The following DCAF6 variants were observed in gnomAD, a reference collection of about 807,000 sequenced individuals.
DCAF6 encodes DDB1 and CUL4 associated factor 6, also known as DDB1- and CUL4-associated factor 6.
Under a neutral mutation model 125.1 loss-of-function variants are expected in DCAF6, and 54 were observed. The observed-to-expected ratio is 0.43, with a 90% confidence interval of 0.35 to 0.54. The LOEUF (loss-of-function observed/expected upper bound fraction) is 0.54. Ranked by LOEUF, DCAF6 falls within the 20% of genes least tolerant of loss-of-function variation. The probability of loss-of-function intolerance (pLI) is 0.01; values close to 1 mark genes in which losing one functional copy is unlikely to be tolerated. For missense variants in DCAF6, 934 were observed against 1,161.7 expected (o/e 0.80, Z 2.85); for synonymous variants, 371 against 390.4 (o/e 0.95, Z 0.58).
At chr1:167,975,819 C>A (rs1397812584) in intron 4 of DCAF6, among the ~76,000 whole-genome samples, 4 of 152,144 alleles carry the variant, frequency 2.6e-5, no homozygotes, top group African/African-American at 9.7e-5. Context: ...TCTCACAGTG[C>A]CAAGGTTATA....
chr1:167,919,190 C>T, the DCAF6 span, among the ~76,000 whole-genome samples: 1 of 152,200 alleles, frequency 6.6e-6, no homozygotes, highest in Non-Finnish European at 1.5e-5. Context: ...ATTGGGTTAA[C>T]AGCCTGTAAA....
intron 2 of DCAF6, among the ~76,000 whole-genome samples, chr1:167,959,315 T>G (rs972486842): frequency 3.9e-5 from 6 of 152,330 alleles, no homozygotes; most frequent in African/African-American, 1.4e-4. Flanking sequence ...AAATTGGCAG[T>G]TATGAGTAAA....
intron 20 of DCAF6, among the ~76,000 whole-genome samples, chr1:168,067,091 A>G (rs1402910422): frequency 2.0e-5 from 3 of 152,202 alleles, no homozygotes; most frequent in Non-Finnish European, 4.4e-5. Context: ...AACTTCAACC[A>G]GGGTTTTTAT....
chr1:167,950,295 TGA>T (rs1405976364), intron 1 of DCAF6, among the ~76,000 whole-genome samples: 1 of 152,212 alleles, frequency 6.6e-6, no homozygotes, highest in East Asian at 1.9e-4. Context: ...CAAAATGAAA[TGA>T]GTTTTTAAAA....
chr1:167,879,775 A>G, the DCAF6 span, among the ~76,000 whole-genome samples: 11 of 152,228 alleles, frequency 7.2e-5, no homozygotes, highest in African/African-American at 2.7e-4. Flanking sequence ...AGTAATATCA[A>G]CATTCATAAT....
intron 10 of DCAF6, among the ~76,000 whole-genome samples, chr1:168,015,280 T>C (rs1335707672): frequency 1.3e-5 from 2 of 152,208 alleles, no homozygotes; most frequent in African/African-American, 4.8e-5. Flanking sequence ...AATATTTAGC[T>C]GAAGAATATA....
At chr1:167,913,769 T>A in the DCAF6 span, among the ~76,000 whole-genome samples, 1 of 152,078 alleles carries the variant, frequency 6.6e-6, no homozygotes, top group Non-Finnish European at 1.5e-5. Context: ...AGACAGAGCA[T>A]CCAGGTTGAG....
chr1:167,952,628 ACTC>A (rs1346765526), intron 2 of DCAF6, among the ~76,000 whole-genome samples: 4 of 151,188 alleles, frequency 2.6e-5, no homozygotes. Flanking sequence ...GTCTCAGCTG[ACTC>A]CTCCGCATAT....
chr1:168,041,601 G>T (rs1688537896), intron 13 of DCAF6, among the ~76,000 whole-genome samples: 2 of 151,782 alleles, frequency 1.3e-5, no homozygotes, highest in African/African-American at 4.8e-5. Context: ...CTGTTTTCTT[G>T]TCTCATTACC....
chr1:167,891,587 C>T, the DCAF6 span, among the ~76,000 whole-genome samples: 2 of 149,018 alleles, frequency 1.3e-5, no homozygotes, highest in East Asian at 4.0e-4. Flanking sequence ...ACCCGGGAGG[C>T]GGAGCTTGCA....
Position 168,068,352 on chromosome 1 carries a change from T to G in DCAF6, c.2686-6T>G, listed in dbSNP as rs1191714312. 6.3e-7 allele frequency: 1 copy of G among 1,597,420 alleles called. No individual in the cohort carries two copies. Among genetic ancestry groups the G allele is most frequent in the Non-Finnish European group, 8.6e-7 (1 of 1,167,184 alleles). The stretch of plus-strand genomic sequence containing the variant: ...TCTTTGATACGATTTTTAACTTGCC[T>G]TGTAGGTTATAACTCGAAACGAACT... On this transcript the variant is annotated splice_polypyrimidine_tract_variant and splice_region_variant and intron_variant, in intron 20 of 21. Coordinates refer to ENST00000367840, the MANE Select transcript of DCAF6 (RefSeq NM_001198956.2).
the DCAF6 span, among the ~76,000 whole-genome samples, chr1:167,870,061 C>A: frequency 6.6e-6 from 1 of 152,180 alleles, no homozygotes; most frequent in Non-Finnish European, 1.5e-5. Context: ...TCAGGATATC[C>A]ATGGGTCAGC....
At chr1:168,011,763 A>T (rs979686745) in intron 10 of DCAF6, among the ~76,000 whole-genome samples, 1 of 152,128 alleles carries the variant, frequency 6.6e-6, no homozygotes, top group Admixed American at 6.5e-5. Context: ...GGATTACCTG[A>T]GGTCAGGAGT....
chr1:167,925,178 A>T, the DCAF6 span, among the ~76,000 whole-genome samples: 1 of 151,982 alleles, frequency 6.6e-6, no homozygotes, highest in Non-Finnish European at 1.5e-5. Context: ...AAATTCATTA[A>T]TTCAATGTCA....
intron 4 of DCAF6, among the ~76,000 whole-genome samples, chr1:167,975,823 G>A (rs1678065431): frequency 6.6e-6 from 1 of 152,146 alleles, no homozygotes; most frequent in South Asian, 2.1e-4. Flanking sequence ...ACAGTGCCAA[G>A]GTTATAGATG....
chr1:167,976,306 T>TA (rs1205978025), intron 4 of DCAF6, among the ~76,000 whole-genome samples: 1 of 151,906 alleles, frequency 6.6e-6, no homozygotes, highest in Admixed American at 6.6e-5. Context: ...CTGTCTCTAC[T>TA]AAAAATACAG....
Position 168,003,852 on chromosome 1 carries a change from A to C in DCAF6, c.998-18A>C. 4 of 1,593,646 alleles carry C rather than the reference A, an allele frequency of 2.5e-6. No homozygotes were observed. The highest frequency in any genetic ancestry group is 3.4e-6 in the Non-Finnish European group (4 of 1,169,174). Reference sequence around the variant, plus strand: ...TGACTTATTACTAAACTCACTGATAAGACCTATATTGTAATAGGAGAGCAG... The same window carrying C: ...TGACTTATTACTAAACTCACTGATACGACCTATATTGTAATAGGAGAGCAG... On this transcript the variant is annotated intron_variant, in intron 8 of 21. Transcript: ENST00000367840.
upstream of DCAF6, among the ~76,000 whole-genome samples, chr1:167,933,169 G>C (rs953342302): frequency 7.2e-5 from 10 of 139,262 alleles, no homozygotes; most frequent in East Asian, 6.3e-4. Context: ...AAACACATTA[G>C]TTTTTTTTTT....
chr1:167,948,268 G>T (rs1673392409), intron 1 of DCAF6, among the ~76,000 whole-genome samples: 2 of 151,762 alleles, frequency 1.3e-5, no homozygotes, highest in African/African-American at 4.8e-5. Flanking sequence ...TATTTGTCTG[G>T]TGATTGCTGA....
Sources: allele counts gnomAD v4.1 joint callset (sites outside exome capture counted in the v4.1 genomes callset), GRCh38; gene constraint gnomAD v4.1.1; transcripts MANE v1.5; gene names NCBI Gene and HGNC (gene_info 2026-07-23, HGNC 2026-07-21).